Variants in ITFG2 observed in about 807,000 individuals in gnomAD.
ITFG2 encodes the protein KICSTOR complex protein ITFG2.
In ITFG2, 36 loss-of-function variants were observed where a neutral mutation model predicts 54.4. That is an observed-to-expected ratio of 0.66 (90% CI 0.51 to 0.87). ITFG2 has a LOEUF of 0.87. Ranked by LOEUF, ITFG2 falls within the 40% of genes least tolerant of loss-of-function variation. The pLI, the probability that ITFG2 is intolerant of heterozygous loss-of-function variation, is 0.00. For synonymous variants in ITFG2, 211 were observed against 225.4 expected, an observed-to-expected ratio of 0.94 and a Z score of 0.57; for missense variants, 524 against 576.7, an observed-to-expected ratio of 0.91 and a Z score of 0.94.
At chr12:2,825,298 T>C (rs1014995702), downstream of ITFG2, 3 of 152,366 alleles carry the variant, frequency 2.0e-5, no homozygotes, top group African/African-American at 7.2e-5. Context: ...TGGGCAATTA[T>C]CACTCAGCTC....
chr12:2,820,656 C>CCCCCCGGGGGG, intron 5 of ITFG2, 68 bp from the exon 6 acceptor site: 1 of 1,141,418 alleles, frequency 8.8e-7, no homozygotes, highest in East Asian at 2.7e-5. Context: ...CCACCGCCCC[C>CCCCCCGGGGGG]TGCCGTTCTC....
chr12:2,830,950 T>TCCCCCCCCCCCCCCCCCCC (rs544510879), downstream of ITFG2: 1 of 1,383,864 alleles, frequency 7.2e-7, no homozygotes, highest in African/African-American at 1.5e-5. Context: ...CCCAGGATGC[T>TCCCCCCCCCCCCCCCCCCC]CCCCCCACCC....
intron 3 of ITFG2, chr12:2,859,378 T>C (rs367557692): frequency 7.4e-6 from 12 of 1,613,840 alleles, no homozygotes; most frequent in Admixed American, 1.7e-5. Flanking sequence ...CTAAGCCCAC[T>C]GTAGGACTTC....
chr12:2,851,752 C>T (rs935695772), intron 2 of ITFG2, among the ~76,000 whole-genome samples: 3 of 152,116 alleles, frequency 2.0e-5, no homozygotes, highest in African/African-American at 7.2e-5. Context: ...GATCTCAGCT[C>T]ACTACAACTT....
intron 2 of ITFG2, among the ~76,000 whole-genome samples, chr12:2,853,430 G>A (rs1025791571): frequency 1.4e-4 from 21 of 152,026 alleles, no homozygotes; most frequent in Non-Finnish European, 2.6e-4. Context: ...CTGCCACCAC[G>A]CCCAGCTAAT....
chr12:2,857,154 C>A, intron 2 of ITFG2: 1 of 692,044 alleles, frequency 1.4e-6, no homozygotes, highest in Non-Finnish European at 2.6e-6. Flanking sequence ...CCTCACCTGT[C>A]CCTGGAGCCT....
intron 6 of ITFG2, among the ~76,000 whole-genome samples, 194 bp from the exon 7 acceptor site, chr12:2,821,068 A>G (rs1462568014): frequency 3.3e-5 from 5 of 152,168 alleles, no homozygotes; most frequent in Middle Eastern, 3.2e-3. Context: ...GTAGCACCTG[A>G]AAGAGGTCCT....
chr12:2,851,395 A>G (rs572599799), intron 2 of ITFG2, among the ~76,000 whole-genome samples: 1 of 152,210 alleles, frequency 6.6e-6, no homozygotes, highest in South Asian at 2.1e-4. Flanking sequence ...ATGCTCGAGC[A>G]CAGTGGCCAT....
At chr12:2,830,950 T>TCCCCCCCCCCCCCCCC (rs544510879), downstream of ITFG2, 1 of 1,383,864 alleles carries the variant, frequency 7.2e-7, no homozygotes, top group African/African-American at 1.5e-5. Flanking sequence ...CCCAGGATGC[T>TCCCCCCCCCCCCCCCC]CCCCCCACCC....
chr12:2,827,621 T>C, downstream of ITFG2: 1 of 1,614,184 alleles, frequency 6.2e-7, no homozygotes, highest in African/African-American at 1.3e-5. This position sits in a 1 kb window ranked among gnomAD's most constrained non-coding sequence, Gnocchi z 4.0. Context: ...AGTGGGTGCC[T>C]TACCTTGAGA....
chr12:2,824,070 C>T lies in ITFG2; in HGVS notation c.1241-20C>T. 1.2e-6 allele frequency: 2 copies of T among 1,614,078 alleles called. No individual in the cohort carries two copies. The highest frequency in any genetic ancestry group is 1.7e-6 in the Non-Finnish European group (2 of 1,180,012). ...CCCAGGAGACCCACAGCCTCTTACCCACCCCTTCTTGGCTCTCAGATCCTG... is the reference window on the plus strand; with the variant it reads ...CCCAGGAGACCCACAGCCTCTTACCTACCCCTTCTTGGCTCTCAGATCCTG... On this transcript the variant is annotated intron_variant, in intron 11 of 11. Transcript: ENST00000228799.
At chr12:2,817,647 C>T (rs2097925979) in intron 2 of ITFG2, 5 of 526,498 alleles carry the variant, frequency 9.5e-6, no homozygotes, top group African/African-American at 1.9e-5. Flanking sequence ...ATGTGATAGC[C>T]TAGCTCTATT....
At chr12:2,849,608 G>A in intron 2 of ITFG2, 1 of 1,450,848 alleles carries the variant, frequency 6.9e-7, no homozygotes, top group South Asian at 1.3e-5. Context: ...GGGGAAGGGT[G>A]ATGCCGCTGT....
chr12:2,824,261 G>A lies in ITFG2; in HGVS notation c.*68G>A, dbSNP rs1383658569. 2 of 1,459,788 alleles carry A rather than the reference G, an allele frequency of 1.4e-6. No homozygotes were observed. The highest frequency in any genetic ancestry group is 1.9e-6 in the Non-Finnish European group (2 of 1,041,576). The allele number at this position is 1,459,788 out of a possible 1,614,324, so 90.4% of individuals were successfully genotyped here. A position where few individuals can be genotyped will look rare whatever the true frequency, so the allele number is the denominator to read the frequency against. On this transcript the variant is annotated 3_prime_UTR_variant, in exon 12 of 12. Transcript: ENST00000228799. ...CACCCTACCCCCTAAAGGTATCTGT[G>A]GTATTGGCAGGATAGGGAATATGCA...
exon 4 of ITFG2, chr12:2,859,578 G>A (rs761830266): frequency 3.1e-6 from 5 of 1,613,822 alleles, no homozygotes; most frequent in Non-Finnish European, 4.2e-6. Flanking sequence ...AAGCAAAGGA[G>A]AAAACCCTTC....
chr12:2,843,463 T>C (rs2098046174), intron 2 of ITFG2, among the ~76,000 whole-genome samples: 1 of 152,248 alleles, frequency 6.6e-6, no homozygotes, highest in African/African-American at 2.4e-5. Context: ...GCTTTGGCTC[T>C]GTTGATGAAA....
At chr12:2,849,458 G>A in intron 2 of ITFG2, 1 of 1,536,178 alleles carries the variant, frequency 6.5e-7, no homozygotes. Flanking sequence ...AAATTATTGG[G>A]AAACGGGTTG....
intron 2 of ITFG2, chr12:2,855,048 A>T (rs1416281926): frequency 1.3e-6 from 2 of 1,536,030 alleles, no homozygotes; most frequent in South Asian, 1.2e-5. Flanking sequence ...CAAACGTGGG[A>T]TAACAGTGGA....
intron 2 of ITFG2, among the ~76,000 whole-genome samples, chr12:2,847,458 G>A (rs1437092773): frequency 1.3e-5 from 2 of 151,962 alleles, no homozygotes; most frequent in Non-Finnish European, 2.9e-5. Flanking sequence ...ACAAGGTCAG[G>A]AGATCGAGCC....
Sources: gnomAD v4.1 joint callset for allele counts (sites outside exome capture counted in the v4.1 genomes callset) on GRCh38, gnomAD v4.1.1 for gene constraint, Gnocchi (gnomAD v3.1) non-coding constraint, MANE v1.5 for transcripts, NCBI Gene and HGNC (gene_info 2026-07-23, HGNC 2026-07-21) for gene names.